The following AGBL4 variants were observed in gnomAD, a reference collection of about 807,000 sequenced individuals.
AGBL4 encodes AGBL carboxypeptidase 4.
AGBL4 carries 58 observed loss-of-function variants against 66.4 expected under a neutral mutation model. That is an observed-to-expected ratio of 0.87 (90% CI 0.71 to 1.09). The LOEUF (loss-of-function observed/expected upper bound fraction) is 1.09, where lower values mean the gene tolerates loss of function less well. AGBL4 is among the 50% of genes least tolerant of loss of function. The pLI, the probability that AGBL4 is intolerant of heterozygous loss-of-function variation, is 0.00. For synonymous variants in AGBL4, 234 were observed against 222.9 expected, an observed-to-expected ratio of 1.05 and a Z score of -0.44; for missense variants, 579 against 631.0, an observed-to-expected ratio of 0.92 and a Z score of 0.88.
chr1:49,062,397 A>G (rs1264834661), intron 4 of AGBL4, among the ~76,000 whole-genome samples: 1 of 152,042 alleles, frequency 6.6e-6, no homozygotes, highest in Non-Finnish European at 1.5e-5. Context: ...ATGACTTACT[A>G]TTGCTCTTCT....
chr1:49,656,082 G>A (rs866835880), intron 3 of AGBL4, among the ~76,000 whole-genome samples: 5 of 152,010 alleles, frequency 3.3e-5, no homozygotes, highest in African/African-American at 7.2e-5. Flanking sequence ...GGGAGGCGGA[G>A]GTTGCAGTGA....
At chr1:49,131,286 G>C (rs1049362122) in intron 4 of AGBL4, among the ~76,000 whole-genome samples, 1 of 152,028 alleles carries the variant, frequency 6.6e-6, no homozygotes, top group Non-Finnish European at 1.5e-5. Flanking sequence ...TTTGGGGGTG[G>C]TAAAAATATT....
Position 49,437,841 on chromosome 1 carries a change from C to T in AGBL4, c.283-191977G>A, listed in dbSNP as rs182661107. 1.8e-3 allele frequency among the ~76,000 whole-genome samples: 277 copies of T among 150,726 alleles called. 2 individuals carry two copies. The highest frequency in any genetic ancestry group is 6.5e-3 in the African/African-American group (261 of 40,092). Reference sequence around the variant, plus strand: ...ACATGTTTTTAGTCTTTCTCCAAAACGGCCTGACAGATTCTTGTTTTCAGG... The same window carrying T: ...ACATGTTTTTAGTCTTTCTCCAAAATGGCCTGACAGATTCTTGTTTTCAGG... On this transcript the variant is annotated intron_variant, in intron 3 of 13. Coordinates refer to ENST00000371839, the MANE Select transcript of AGBL4 (RefSeq NM_032785.4).
chr1:49,891,445 C>T (rs1648635369), intron 1 of AGBL4, among the ~76,000 whole-genome samples: 1 of 152,116 alleles, frequency 6.6e-6, no homozygotes, highest in Non-Finnish European at 1.5e-5. Flanking sequence ...GTAGGAGGTG[C>T]TAGTGGCATC....
intron 6 of AGBL4, among the ~76,000 whole-genome samples, chr1:48,689,216 A>G (rs1646583662): frequency 6.6e-6 from 1 of 151,216 alleles, no homozygotes; most frequent in East Asian, 1.9e-4. Flanking sequence ...AAAAAAAAAA[A>G]AAAAAAAGAA....
chr1:48,865,376 T>G (rs886408530), intron 6 of AGBL4, among the ~76,000 whole-genome samples: 3 of 152,196 alleles, frequency 2.0e-5, no homozygotes, highest in African/African-American at 7.2e-5. Context: ...CGCTAGGTCC[T>G]ACCTGTGTCC....
In AGBL4 at chr1:48,968,134, T is replaced by C. The variant is rs1369527218; in HGVS notation, c.594+77450A>G. Among the ~76,000 whole-genome samples the C allele has an allele frequency of 3.9e-5, 6 of 152,152 alleles. No individual in the cohort carries two copies. In the South Asian group the frequency reaches 1.2e-3, roughly 32 times the overall value. ...GGAACTACCCTAAGGAAAAAACAGATGTTCCTAGAGATAGCAGGAACTATC... is the reference window on the plus strand; with the variant it reads ...GGAACTACCCTAAGGAAAAAACAGACGTTCCTAGAGATAGCAGGAACTATC... On this transcript the variant is annotated intron_variant, in intron 5 of 13. Coordinates refer to ENST00000371839, the MANE Select transcript of AGBL4 (RefSeq NM_032785.4).
At position 49,339,044 on chromosome 1, in the gene AGBL4, G is replaced by A. The variant is rs138001416; in HGVS notation, c.283-93180C>T. Among the ~76,000 whole-genome samples, 248 of 152,164 alleles carry A rather than the reference G, an allele frequency of 1.6e-3. 5 individuals are homozygous for A. The East Asian group carries it at 0.031, about 19-fold the overall frequency. ...GCATTTTACTTAAGGGACTAATGAC[G>A]AAATTAGGAAATCACTCTTGTGTGA... On this transcript the variant is annotated intron_variant, in intron 3 of 13. Transcript: ENST00000371839.
At chr1:49,978,279 T>A (rs142317804) in intron 1 of AGBL4, among the ~76,000 whole-genome samples, 2 of 152,100 alleles carry the variant, frequency 1.3e-5, no homozygotes, top group Admixed American at 1.3e-4. Context: ...CAAGATCCTG[T>A]CTTTACAAAA....
intron 9 of AGBL4, among the ~76,000 whole-genome samples, chr1:48,624,885 T>TCCA (rs1645473742): frequency 8.0e-6 from 1 of 124,666 alleles, no homozygotes; most frequent in Admixed American, 7.7e-5. Flanking sequence ...AGATGTTAAT[T>TCCA]CCAGGTGTGT....
At chr1:48,664,578 A>G (rs934462064) in intron 6 of AGBL4, among the ~76,000 whole-genome samples, 3 of 152,200 alleles carry the variant, frequency 2.0e-5, no homozygotes, top group Non-Finnish European at 2.9e-5. Context: ...GGAAGGCAAC[A>G]AAATCCAGAG....
At chr1:49,611,172 C>G (rs1307048503) in intron 3 of AGBL4, among the ~76,000 whole-genome samples, 1 of 152,132 alleles carries the variant, frequency 6.6e-6, no homozygotes, top group African/African-American at 2.4e-5. Context: ...TTTTCCCACC[C>G]TGTTATCTCC....
intron 6 of AGBL4, among the ~76,000 whole-genome samples, chr1:48,756,847 T>G (rs576162301): frequency 6.6e-5 from 10 of 152,270 alleles, no homozygotes; most frequent in Non-Finnish European, 1.2e-4. Flanking sequence ...GGGGCTCCAG[T>G]TGATTTATGT....
chr1:49,382,013 T>C (rs531588162), intron 3 of AGBL4, among the ~76,000 whole-genome samples: 280 of 150,160 alleles, frequency 1.9e-3, no homozygotes, highest in Middle Eastern at 3.4e-3. Flanking sequence ...AAAATAAAAA[T>C]AAAAAAAAAT....
chr1:48,634,916 T>C (rs1249186039), intron 8 of AGBL4, among the ~76,000 whole-genome samples: 2 of 152,200 alleles, frequency 1.3e-5, no homozygotes, highest in African/African-American at 4.8e-5. Flanking sequence ...CATGCACATC[T>C]TCTCCACACT....
intron 12 of AGBL4, among the ~76,000 whole-genome samples, chr1:48,536,886 C>A (rs1643980561): frequency 6.6e-6 from 1 of 152,188 alleles, no homozygotes; most frequent in Admixed American, 6.5e-5. Context: ...ATGCCATGCC[C>A]CTGAGCCTGA....
At chr1:48,759,486 T>A (rs1350071320) in intron 6 of AGBL4, 1 of 1,083,228 alleles carries the variant, frequency 9.2e-7, no homozygotes, top group African/African-American at 1.6e-5. Flanking sequence ...GGGTTCCGAG[T>A]GGGGAAGGGG....
At chr1:49,795,794 A>G (rs1374012842) in intron 2 of AGBL4, among the ~76,000 whole-genome samples, 5 of 152,044 alleles carry the variant, frequency 3.3e-5, no homozygotes, top group African/African-American at 1.2e-4. Flanking sequence ...ATATACCAAC[A>G]TAATTTTGAT....
At chr1:48,951,448 C>T (rs1280383997) in intron 5 of AGBL4, among the ~76,000 whole-genome samples, 1 of 152,106 alleles carries the variant, frequency 6.6e-6, no homozygotes, top group Non-Finnish European at 1.5e-5. Flanking sequence ...TCACCCCCAT[C>T]CCTCCCCACA....
Sources: gnomAD v4.1 joint callset for allele counts (sites outside exome capture counted in the v4.1 genomes callset) on GRCh38, gnomAD v4.1.1 for gene constraint, MANE v1.5 for transcripts, NCBI Gene and HGNC (gene_info 2026-07-23, HGNC 2026-07-21) for gene names.